Variants in NFKBIZ observed in about 807,000 individuals in gnomAD.
NFKBIZ encodes NF-kappa-B inhibitor zeta.
A neutral mutation model predicts 76.8 loss-of-function variants in NFKBIZ; 19 were observed. The observed-to-expected ratio is 0.25, with a 90% confidence interval of 0.17 to 0.36. The LOEUF (loss-of-function observed/expected upper bound fraction) is 0.36. Among genes scored for constraint, NFKBIZ ranks in the 10% least tolerant of loss-of-function variants. The pLI is 1.00. For synonymous variants in NFKBIZ, 368 were observed against 354.8 expected (o/e 1.04, Z -0.42); for missense variants, 829 against 910.9 (o/e 0.91, Z 1.16).
At chr3:101,858,439 CAG>C (rs1943083804) in intron 11 of NFKBIZ, 3 of 985,236 alleles carry the variant, frequency 3.0e-6, no homozygotes, top group Non-Finnish European at 3.6e-6. Context: ...TTGTAAAAGG[CAG>C]AGTCCTAAGC....
upstream of NFKBIZ, among the ~76,000 whole-genome samples, chr3:101,845,851 T>C (rs1407038582): frequency 6.6e-6 from 1 of 152,250 alleles, no homozygotes; most frequent in African/African-American, 2.4e-5. Flanking sequence ...ATGTATCATT[T>C]CATCTTTTTC....
intron 2 of NFKBIZ, among the ~76,000 whole-genome samples, chr3:101,830,047 C>T (rs1942626882): frequency 6.6e-6 from 1 of 152,146 alleles, no homozygotes; most frequent in Non-Finnish European, 1.5e-5. Context: ...GCTTGGAGAG[C>T]ATCATGCCCC....
At position 101,853,322 on chromosome 3, in the gene NFKBIZ, C is replaced by T. The variant is rs1942999002; in HGVS notation, c.796C>T (p.Pro266Ser). Residue 266 changes from proline to serine, a missense_variant, in exon 5 of 12, where the codon CCT (proline) becomes TCT (serine). Pro to Ser is a moderately conservative substitution (Grantham distance 74). Around this residue, in one of 4 missense-constraint regions of NFKBIZ, gnomAD observed 371 missense variants for 332.3 expected, o/e 1.12. Transcript: ENST00000326172. ...DFHGGQVFSPPQKCQPFQVRG... is the reference protein window; with the variant it reads ...DFHGGQVFSPSQKCQPFQVRG... ...CCATGGAGGGCAGGTCTTTTCTCCA[C>T]CTCAGAAATGCCAACCATTCCAAGT... 3.1e-6 allele frequency: 5 copies of T among 1,614,140 alleles called. No individual in the cohort carries two copies. Among genetic ancestry groups the T allele is most frequent in the Non-Finnish European group, 4.2e-6 (5 of 1,180,018 alleles).
chr3:101,853,077 T>A lies in NFKBIZ; in HGVS notation c.565-14T>A. On this transcript the variant is annotated splice_polypyrimidine_tract_variant and intron_variant, in intron 4 of 11. Transcript: ENST00000326172. ...AGGAAGTGAGTGTGCAAGTTGCATT[T>A]TCCTTCTTTCCAGACACCACCTCAA... 6.2e-7 allele frequency: 1 copy of A among 1,612,096 alleles called. No homozygotes were observed.
At position 101,857,181 on chromosome 3, in the gene NFKBIZ, A is replaced by G; in HGVS notation, c.1933A>G (p.Lys645Glu). 1 of 244,634 alleles carries G rather than the reference A, an allele frequency of 4.1e-6. No individual in the cohort carries two copies. The highest frequency in any genetic ancestry group is 5.9e-6 in the Non-Finnish European group (1 of 169,640). 15.2% of individuals were successfully genotyped at this position (244,634 alleles called of 1,614,324 possible). ...LPSCLSFVNA[K>E]AYNGNTALHV... The stretch of plus-strand genomic sequence containing the variant: ...CAGTTGCCTGTCTTTTGTGAATGCA[A>G]AGGTACACCAGAGTTGGAATGGCCT... The change falls in exon 10 of 12, where the codon AAG becomes GAG. Residue 645 changes from lysine to glutamate, a missense_variant and splice_region_variant. Around this residue, in one of 4 missense-constraint regions of NFKBIZ, gnomAD observed 272 missense variants for 384.2 expected, o/e 0.71. Transcript: ENST00000326172.
At chr3:101,854,824 C>T (rs2107419461) in intron 6 of NFKBIZ, 141 bp downstream of exon 6, 6 of 753,832 alleles carry the variant, frequency 8.0e-6, no homozygotes, top group South Asian at 1.9e-5. Context: ...TGACTTTTTG[C>T]TACCATCAAC....
chr3:101,855,432 T>C lies in NFKBIZ; in HGVS notation c.1628T>C (p.Val543Ala). 1 of 1,614,230 alleles carries C rather than the reference T, an allele frequency of 6.2e-7. No homozygotes were observed. The highest frequency in any genetic ancestry group is 8.5e-7 in the Non-Finnish European group (1 of 1,180,036). ...GGAGCAGTGGGAAGTAATCAGTTTG[T>C]GGATCTTGAGGCAACTAACTATGAT... ...QKGAVGSNQF[V>A]DLEATNYDGL... Residue 543 changes from valine to alanine, a missense_variant, in exon 8 of 12, where the codon GTG becomes GCG. This residue lies in a region of NFKBIZ where 272 missense variants were observed against 384.2 expected (regional missense o/e 0.71). Coordinates refer to ENST00000326172, the MANE Select transcript of NFKBIZ (RefSeq NM_031419.4).
chr3:101,841,090 A>G (rs1173084605), intron 2 of NFKBIZ, among the ~76,000 whole-genome samples: 1 of 152,176 alleles, frequency 6.6e-6, no homozygotes, highest in Non-Finnish European at 1.5e-5. Context: ...TTGCTAATTC[A>G]TCTGTATGAT....
rs770051615 is a variant in NFKBIZ at position 101,853,688 on chromosome 3, C to T, written c.1162C>T (p.His388Tyr). 16 of 1,614,248 alleles carry T rather than the reference C, an allele frequency of 9.9e-6. No individual in the cohort carries two copies. The highest frequency in any genetic ancestry group is 1.4e-5 in the Non-Finnish European group (16 of 1,180,050). ...CAGCGCCTGTGAGGCCATGGTGGGGCACGAGATGGCCTCTGACTCTTCAAA... is the reference window on the plus strand; with the variant it reads ...CAGCGCCTGTGAGGCCATGGTGGGGTACGAGATGGCCTCTGACTCTTCAAA... ...PSSACEAMVG[H>Y]EMASDSSNTS... Residue 388 changes from histidine to tyrosine, a missense_variant, in exon 5 of 12, where the codon CAC (histidine) becomes TAC (tyrosine). By Grantham distance (83) the His-to-Tyr change is moderately conservative. Transcript: ENST00000326172.
At chr3:101,844,542 A>G (rs1172664731), upstream of NFKBIZ, among the ~76,000 whole-genome samples, 1 of 152,240 alleles carries the variant, frequency 6.6e-6, no homozygotes, top group Non-Finnish European at 1.5e-5. Flanking sequence ...GTTATTGTAC[A>G]TTTTGAATGT....
rs775868652 is a variant in NFKBIZ at position 101,859,393 on chromosome 3, C to T, written c.*22C>T. On this transcript the variant is annotated 3_prime_UTR_variant, in exon 12 of 12. Transcript: ENST00000326172. ...TTAGCTCCATTAGCTTGGAGCCTGG[C>T]TAGCAACACTCACTGTCAGTTAGGC... The T allele has an allele frequency of 6.2e-7, 1 of 1,606,848 alleles. No individual in the cohort carries two copies. Among genetic ancestry groups the T allele is most frequent in the East Asian group, 2.2e-5 (1 of 44,808 alleles).
intron 9 of NFKBIZ, 93 bp downstream of exon 9, chr3:101,855,995 C>T: frequency 8.3e-7 from 1 of 1,200,222 alleles, no homozygotes; most frequent in South Asian, 1.7e-5. Flanking sequence ...AAACTTCTTT[C>T]TTTTTTTTCT....
At chr3:101,851,145 C>G (rs948101520) in intron 1 of NFKBIZ, among the ~76,000 whole-genome samples, 4 of 152,140 alleles carry the variant, frequency 2.6e-5, no homozygotes, top group African/African-American at 4.8e-5. Flanking sequence ...TACAGATGTT[C>G]AAATTATGCG....
intron 2 of NFKBIZ, 145 bp downstream of exon 2, chr3:101,852,369 T>TGG: frequency 9.6e-7 from 1 of 1,046,122 alleles, no homozygotes; most frequent in Non-Finnish European, 1.4e-6. Flanking sequence ...AGAGACCATA[T>TGG]TTGTCTGGTC....
chr3:101,845,519 T>G (rs1942838987), upstream of NFKBIZ, among the ~76,000 whole-genome samples: 1 of 152,068 alleles, frequency 6.6e-6, no homozygotes, highest in Non-Finnish European at 1.5e-5. Flanking sequence ...CAGACTGGTC[T>G]TGAACTTCTG....
intron 6 of NFKBIZ, 91 bp downstream of exon 6, chr3:101,854,774 C>G (rs1197950393): frequency 1.3e-5 from 12 of 908,946 alleles, no homozygotes; most frequent in Middle Eastern, 2.2e-4. Context: ...TCTTAGAGCT[C>G]AAGATCAAGA....
Position 101,852,920 on chromosome 3 carries a change from G to T in NFKBIZ, c.495G>T (p.Arg165Ser). 1 of 1,614,188 alleles carries T rather than the reference G, an allele frequency of 6.2e-7. No individual in the cohort carries two copies. Among genetic ancestry groups the T allele is most frequent in the Non-Finnish European group, 8.5e-7 (1 of 1,180,034 alleles). ...LKNTVSYSGK[R>S]KGPDSLSDGP... The stretch of plus-strand genomic sequence containing the variant: ...ACACAGTATCATACAGTGGGAAAAG[G>T]AAAGGGCCCGATTCGTTGTCTGATG... The change falls in exon 4 of 12, where the codon AGG becomes AGT. Residue 165 changes from arginine (R) to serine (S), a missense_variant. By Grantham distance (110) the Arg-to-Ser change is moderately radical. Around this residue, in one of 4 missense-constraint regions of NFKBIZ, gnomAD observed 371 missense variants for 332.3 expected, o/e 1.12. Coordinates refer to ENST00000326172, the MANE Select transcript of NFKBIZ (RefSeq NM_031419.4).
chr3:101,841,399 A>C (rs1473813824), intron 2 of NFKBIZ, among the ~76,000 whole-genome samples: 2 of 152,218 alleles, frequency 1.3e-5, no homozygotes, highest in Non-Finnish European at 2.9e-5. Context: ...TTTCTATTAC[A>C]TGGATACCAT....
At chr3:101,843,780 ATTAG>A (rs372492326) in intron 2 of NFKBIZ, among the ~76,000 whole-genome samples, 20 of 152,322 alleles carry the variant, frequency 1.3e-4, no homozygotes, top group African/African-American at 4.6e-4. Flanking sequence ...TTTGGAAATT[ATTAG>A]TTAATTGAGT....
Sources: gnomAD v4.1 joint callset for allele counts (sites outside exome capture counted in the v4.1 genomes callset) on GRCh38, gnomAD v4.1.1 for gene constraint, gnomAD v4.1.1 regional missense constraint, MANE v1.5 for transcripts, NCBI Gene and HGNC (gene_info 2026-07-23, HGNC 2026-07-21) for gene names.